The following ADAM28 variants were observed in gnomAD, a reference collection of about 807,000 sequenced individuals.
ADAM28 encodes disintegrin and metalloproteinase domain-containing protein 28.
Under a neutral mutation model 101.2 loss-of-function variants are expected in ADAM28, and 105 were observed. The observed-to-expected ratio is 1.04, with a 90% CI of 0.89 to 1.22. The LOEUF is 1.22. ADAM28 is among the 50% of genes most tolerant of loss of function. The pLI, the probability that ADAM28 is intolerant of heterozygous loss-of-function variation, is 0.00. For missense variants in ADAM28, 1,028 were observed against 945.4 expected (o/e 1.09, Z -1.15); for synonymous variants, 322 against 310.6 (o/e 1.04, Z -0.39).
intron 12 of ADAM28, among the ~76,000 whole-genome samples, chr8:24,332,059 G>A (rs1428953024): frequency 6.6e-6 from 1 of 152,162 alleles, no homozygotes; most frequent in African/African-American, 2.4e-5. Context: ...AAGGGCTAGA[G>A]TTTTAACCCT....
At chr8:24,299,621 G>A (rs1398712191) in intron 1 of ADAM28, among the ~76,000 whole-genome samples, 6 of 152,118 alleles carry the variant, frequency 3.9e-5, no homozygotes, top group Admixed American at 1.3e-4. Context: ...GATTACTTTC[G>A]CTTCTATCTT....
intron 5 of ADAM28, 76 bp downstream of exon 5, chr8:24,311,513 C>A (rs1415744027): frequency 1.7e-6 from 2 of 1,149,432 alleles, no homozygotes; most frequent in Non-Finnish European, 1.2e-6. Context: ...CAGATGAATC[C>A]CAAATATCAT....
At chr8:24,344,146 A>T (rs1271470333) in intron 18 of ADAM28, among the ~76,000 whole-genome samples, 4 of 152,016 alleles carry the variant, frequency 2.6e-5, no homozygotes, top group Non-Finnish European at 4.4e-5. Context: ...TTGATGGGGG[A>T]ATCTGGCTGG....
At chr8:24,346,978 T>C (rs972926352) in intron 18 of ADAM28, 7 of 152,090 alleles carry the variant, frequency 4.6e-5, no homozygotes, top group Non-Finnish European at 7.4e-5. Flanking sequence ...CATACATTTG[T>C]TACATCCATG....
intron 18 of ADAM28, among the ~76,000 whole-genome samples, chr8:24,344,232 C>A (rs1261486164): frequency 6.6e-6 from 1 of 151,716 alleles, no homozygotes; most frequent in Non-Finnish European, 1.5e-5. Flanking sequence ...GACCCACCTC[C>A]AGTTGTTACG....
rs1815877781 is a variant in ADAM28, at chr8:24,349,967, T to A, written c.2094T>A (p.Asp698Glu). Reference sequence around the variant, plus strand: ...GCTCCAGAGAAAAGCAGAAGAAAGATCAGAGGTGATCCTTTATCTTATCTT... The same window carrying A: ...GCTCCAGAGAAAAGCAGAAGAAAGAACAGAGGTGATCCTTTATCTTATCTT... The part of the protein sequence containing the change: ...HQSSREKQKK[D>E]QRPLSTTGTR... Residue 698 changes from aspartate to glutamate, a missense_variant, in exon 19 of 23, where the codon GAT becomes GAA. Asp to Glu is a conservative substitution (Grantham distance 45, BLOSUM62 2). Coordinates refer to ENST00000265769, the MANE Select transcript of ADAM28 (RefSeq NM_014265.6). 1.2e-6 allele frequency: 2 copies of A among 1,613,196 alleles called. No homozygotes were observed. Among genetic ancestry groups the A allele is most frequent in the Non-Finnish European group, 1.7e-6 (2 of 1,179,508 alleles).
chr8:24,327,359 A>G (rs1423147932), intron 10 of ADAM28, among the ~76,000 whole-genome samples: 1 of 152,156 alleles, frequency 6.6e-6, no homozygotes, highest in East Asian at 1.9e-4. Flanking sequence ...TTCAAGGAGA[A>G]CTACAAACCA....
At position 24,311,377 on chromosome 8, in the gene ADAM28, A is replaced by G. The variant is rs755119147; in HGVS notation, c.323A>G (p.Gln108Arg). ...SPQIMDDCYYQGHILNEKVSD... is the reference protein window; with the variant it reads ...SPQIMDDCYYRGHILNEKVSD... ...TTCCTTTAGGATGATTGTTATTATC[A>G]AGGACATATTCTTAATGAAAAGGTT... Residue 108 changes from glutamine to arginine, a missense_variant, in exon 5 of 23, where the codon CAA (glutamine) becomes CGA (arginine). By Grantham distance (43) the Gln-to-Arg change is conservative (BLOSUM62 1). Coordinates refer to ENST00000265769, the MANE Select transcript of ADAM28 (RefSeq NM_014265.6). 5.6e-6 allele frequency: 9 copies of G among 1,612,826 alleles called. No homozygotes were observed. The highest frequency in any genetic ancestry group is 4.0e-5 in the African/African-American group (3 of 74,842).
At chr8:24,310,519 T>C (rs961514368) in intron 4 of ADAM28, 2 of 311,174 alleles carry the variant, frequency 6.4e-6, no homozygotes, top group South Asian at 4.7e-5. Context: ...GAGTGAAGAG[T>C]TACATACCTC....
chr8:24,344,212 C>A (rs1320891858), intron 18 of ADAM28, among the ~76,000 whole-genome samples: 1 of 152,092 alleles, frequency 6.6e-6, no homozygotes, highest in Non-Finnish European at 1.5e-5. Context: ...TGGGAAGGAG[C>A]CAGAGTGGGG....
At position 24,353,886 on chromosome 8, in the gene ADAM28, C is replaced by T. The variant is rs1245624241; in HGVS notation, c.2307+54C>T. On this transcript the variant is annotated intron_variant, in intron 22 of 22. Transcript: ENST00000265769. ...TTCTTGTATTATAATCTCCTACTGT[C>T]AAGAGAAGGCCCACCATGTCTTTTT... 22 of 1,228,694 alleles carry T rather than the reference C, an allele frequency of 1.8e-5. No individual in the cohort carries two copies. In the East Asian group the frequency reaches 5.1e-4, roughly 28 times the overall value. 76.1% of individuals were successfully genotyped at this position (1,228,694 alleles called of 1,614,324 possible). A position where few individuals can be genotyped will look rare whatever the true frequency, so the allele number is the denominator to read the frequency against.
At chr8:24,310,518 G>T in intron 4 of ADAM28, 1 of 298,462 alleles carries the variant, frequency 3.4e-6, no homozygotes, top group Non-Finnish European at 6.3e-6. Context: ...AGAGTGAAGA[G>T]TTACATACCT....
chr8:24,333,573 T>G (rs913657679), intron 13 of ADAM28, among the ~76,000 whole-genome samples: 1 of 152,218 alleles, frequency 6.6e-6, no homozygotes, highest in Non-Finnish European at 1.5e-5. Flanking sequence ...TGTGATCATC[T>G]CCAAAGCCAA....
intron 1 of ADAM28, among the ~76,000 whole-genome samples, chr8:24,297,188 T>A (rs1045897151): frequency 2.0e-5 from 3 of 152,058 alleles, no homozygotes; most frequent in Non-Finnish European, 2.9e-5. Flanking sequence ...GTTGTTTGTT[T>A]TATTTTGCTT....
intron 2 of ADAM28, among the ~76,000 whole-genome samples, chr8:24,304,953 C>A (rs927051846): frequency 6.6e-6 from 1 of 151,428 alleles, no homozygotes; most frequent in Non-Finnish European, 1.5e-5. Context: ...ATGGTGCTGC[C>A]CTGTGTAGCC....
In ADAM28 at chr8:24,310,029, G is replaced by A. The variant is rs370929214; in HGVS notation, c.227+59G>A. 2,063 of 1,476,054 alleles carry A rather than the reference G, an allele frequency of 1.4e-3. 3 individuals are homozygous for A. Among genetic ancestry groups the A allele is most frequent in the Non-Finnish European group, 1.8e-3 (1,916 of 1,058,914 alleles). 91.4% of individuals were successfully genotyped at this position (1,476,054 alleles called of 1,614,324 possible). A position where few individuals can be genotyped will look rare whatever the true frequency, so the allele number is the denominator to read the frequency against. ...AAGAGCAAGGCAGCCTATGGAGAGT[G>A]TGCTGAGTCTGTTGCTGCTTATGGC... On this transcript the variant is annotated intron_variant, in intron 3 of 22. Coordinates refer to ENST00000265769, the MANE Select transcript of ADAM28 (RefSeq NM_014265.6).
Position 24,343,098 on chromosome 8 carries a change from C to T in ADAM28, c.1831-3C>T, listed in dbSNP as rs369750619. 240 of 1,613,524 alleles carry T rather than the reference C, an allele frequency of 1.5e-4. No homozygotes were observed. The highest frequency in any genetic ancestry group is 1.7e-4 in the Non-Finnish European group (197 of 1,179,716). Reference sequence around the variant, plus strand: ...AGCTTCATGTTTTCTACATCACTTTCAGGTTTGCATTAATGCAGAATGTGT... The same window carrying T: ...AGCTTCATGTTTTCTACATCACTTTTAGGTTTGCATTAATGCAGAATGTGT... On this transcript the variant is annotated splice_polypyrimidine_tract_variant and splice_region_variant and intron_variant, in intron 16 of 22. Transcript: ENST00000265769.
chr8:24,318,520 A>AG (rs2129282569), intron 6 of ADAM28, among the ~76,000 whole-genome samples: 1 of 152,082 alleles, frequency 6.6e-6, no homozygotes, highest in Non-Finnish European at 1.5e-5. Context: ...CCTCTCCTAA[A>AG]GGCCAGACTG....
chr8:24,345,042 A>C (rs1815250755), intron 18 of ADAM28, among the ~76,000 whole-genome samples: 1 of 150,144 alleles, frequency 6.7e-6, no homozygotes, highest in Admixed American at 6.6e-5. Flanking sequence ...AAAAAAAAAA[A>C]CAAGGCCAGA....
Sources: allele counts gnomAD v4.1 joint callset (sites outside exome capture counted in the v4.1 genomes callset), GRCh38; gene constraint gnomAD v4.1.1; transcripts MANE v1.5; gene names NCBI Gene and HGNC (gene_info 2026-07-23, HGNC 2026-07-21).